SLC19A3: variants seen among roughly 807,000 people sequenced by gnomAD.
The protein encoded by SLC19A3 is thiamine transporter 2.
Under a neutral mutation model 40.2 loss-of-function variants are expected in SLC19A3, and 31 were observed. The ratio of observed to expected loss-of-function variants is 0.77; its 90% confidence interval spans 0.58 to 1.04. The LOEUF (loss-of-function observed/expected upper bound fraction) is 1.04. Ranked by LOEUF, SLC19A3 falls within the 50% of genes least tolerant of loss-of-function variation. The probability of loss-of-function intolerance (pLI) is 0.00; values close to 1 mark genes in which losing one functional copy is unlikely to be tolerated. For missense variants in SLC19A3, 592 were observed against 596.7 expected (o/e 0.99, Z 0.08); for synonymous variants, 212 against 227.5 (o/e 0.93, Z 0.61).
chr2:227,711,052 T>C (rs1485770581), intron 1 of SLC19A3, among the ~76,000 whole-genome samples: 1 of 152,158 alleles, frequency 6.6e-6, no homozygotes, highest in Non-Finnish European at 1.5e-5. Context: ...CAGGGCAAGA[T>C]GGTCCTGAAG....
At chr2:227,692,645 G>A (rs940596273) in intron 4 of SLC19A3, among the ~76,000 whole-genome samples, 1 of 152,172 alleles carries the variant, frequency 6.6e-6, no homozygotes, top group African/African-American at 2.4e-5. Flanking sequence ...TTTGGAACAC[G>A]ACAAGGATGC....
chr2:227,694,547 G>A (rs1262470920), intron 4 of SLC19A3, among the ~76,000 whole-genome samples: 1 of 152,070 alleles, frequency 6.6e-6, no homozygotes, highest in Non-Finnish European at 1.5e-5. Flanking sequence ...ACTTGATGAA[G>A]CTTTTGTCTC....
rs370701683 is a variant in SLC19A3 at position 227,705,998 on chromosome 2, T to C, written c.-2-3678A>G. The stretch of plus-strand genomic sequence containing the variant: ...AGGAGTTCGAGGCTGCAGTGAGCTG[T>C]AATCATGCTGCTGCACTCCACTCTG... On this transcript the variant is annotated intron_variant, in intron 1 of 5. Transcript: ENST00000644224. Among the ~76,000 whole-genome samples the C allele has an allele frequency of 9.2e-5, 14 of 151,790 alleles. No individual in the cohort carries two copies. In the East Asian group the frequency reaches 2.7e-3, roughly 30 times the overall value.
intron 4 of SLC19A3, among the ~76,000 whole-genome samples, chr2:227,689,237 A>G (rs1255645577): frequency 6.6e-6 from 1 of 152,188 alleles, no homozygotes; most frequent in Non-Finnish European, 1.5e-5. Context: ...TCCCAAACCT[A>G]AAGAGATCAA....
At chr2:227,697,626 A>C (rs1278227759) in intron 3 of SLC19A3, among the ~76,000 whole-genome samples, 1 of 152,230 alleles carries the variant, frequency 6.6e-6, no homozygotes, top group African/African-American at 2.4e-5. Context: ...ATTTTCTAAA[A>C]TAATGAAAAC....
chr2:227,705,032 C>A (rs1185879104), intron 1 of SLC19A3, among the ~76,000 whole-genome samples: 16 of 151,988 alleles, frequency 1.1e-4, no homozygotes, highest in Admixed American at 9.8e-4. Context: ...AGGCACCCAC[C>A]ATGCCTGGCT....
Position 227,699,516 on chromosome 2 carries a change from G to C in SLC19A3, c.199C>G (p.Leu67Val). The C allele has an allele frequency of 6.2e-7, 1 of 1,614,168 alleles. No individual in the cohort carries two copies. Among genetic ancestry groups the C allele is most frequent in the Non-Finnish European group, 8.5e-7 (1 of 1,180,038 alleles). The change falls in exon 3 of 6, where the codon CTG becomes GTG. Residue 67 changes from leucine (L) to valine (V), a missense_variant. Transcript: ENST00000644224. ...PVWTYSYLVL[L>V]LPVFVLTDYV... is the part of the protein sequence containing the mutation. ...TCGGTGAGGACAAACACAGGCAGCA[G>C]CAGCACCAGGTAGGAGTATGTCCAA...
In SLC19A3 at chr2:227,687,380, C is replaced by A. The variant is rs761295032; in HGVS notation, c.*17G>T. On this transcript the variant is annotated 3_prime_UTR_variant, in exon 6 of 6. Coordinates refer to ENST00000644224, the MANE Select transcript of SLC19A3 (RefSeq NM_025243.4). Reference sequence around the variant, plus strand: ...TGCATAACTTTGAAAGCCACTGTTGCGTTTGTTGCGATGAGGTTAGAGTTT... The same window carrying A: ...TGCATAACTTTGAAAGCCACTGTTGAGTTTGTTGCGATGAGGTTAGAGTTT... 1.3e-6 allele frequency: 2 copies of A among 1,591,004 alleles called. No individual in the cohort carries two copies. Among genetic ancestry groups the A allele is most frequent in the Non-Finnish European group, 8.6e-7 (1 of 1,165,948 alleles).
intron 2 of SLC19A3, chr2:227,701,053 A>C (rs372246327): frequency 7.7e-7 from 1 of 1,304,182 alleles, no homozygotes. Flanking sequence ...GGATTCATTG[A>C]GTTGCTTCTG....
At chr2:227,710,967 T>C (rs1356279033) in intron 1 of SLC19A3, among the ~76,000 whole-genome samples, 2 of 152,144 alleles carry the variant, frequency 1.3e-5, no homozygotes, top group Non-Finnish European at 2.9e-5. Flanking sequence ...TTAATCTGCT[T>C]ATTACTAAAA....
chr2:227,701,544 C>T (rs1695689069), intron 2 of SLC19A3: 1 of 156,894 alleles, frequency 6.4e-6, no homozygotes, highest in Non-Finnish European at 1.4e-5. Context: ...ATTGTTTGAA[C>T]CTGGGAGGCG....
chr2:227,702,759 A>T, intron 1 of SLC19A3: 1 of 188,058 alleles, frequency 5.3e-6, no homozygotes, highest in South Asian at 1.1e-4. Flanking sequence ...ACATCTTGCT[A>T]TCTCATGTGA....
rs1004232781 is a variant in SLC19A3, at chr2:227,703,958, C to G, written c.-2-1638G>C. 7.8e-6 allele frequency among the ~76,000 whole-genome samples: 1 copy of G among 127,808 alleles called. No homozygotes were observed. The highest frequency in any genetic ancestry group is 1.6e-5 in the Non-Finnish European group (1 of 60,942). 83.8% of individuals were successfully genotyped at this position (127,808 alleles called of 152,430 possible). A position where few individuals can be genotyped will look rare whatever the true frequency, so the allele number is the denominator to read the frequency against. On this transcript the variant is annotated intron_variant, in intron 1 of 5. Coordinates refer to ENST00000644224, the MANE Select transcript of SLC19A3 (RefSeq NM_025243.4). The surrounding 1 kb of genome is among the most constrained non-coding windows in gnomAD (Gnocchi z 4.7). ...AGGTTTCTAATACAGCTGTCCAAAT[C>G]GATTTAGTTGGGATGGTCAAGCAGA...
At position 227,687,457 on chromosome 2, in the gene SLC19A3, C is replaced by G; in HGVS notation, c.1431G>C (p.Glu477Asp). The G allele has an allele frequency of 3.1e-6, 5 of 1,614,078 alleles. No individual in the cohort carries two copies. The highest frequency in any genetic ancestry group is 4.2e-6 in the Non-Finnish European group (5 of 1,179,956). Residue 477 changes from glutamate (E) to aspartate (D), a missense_variant, in exon 6 of 6, where the codon GAG (glutamate) becomes GAC (aspartate). Transcript: ENST00000644224. Reference sequence around the variant, plus strand: ...CCTCTGGGTGAGACACATCTGGATTCTCACTTGGAGCAGGGCTCTGTACAT... The same window carrying G: ...CCTCTGGGTGAGACACATCTGGATTGTCACTTGGAGCAGGGCTCTGTACAT... Reference protein sequence around the residue: ...QKDVQSPAPSENPDVSHPEEE... With the variant: ...QKDVQSPAPSDNPDVSHPEEE...
intron 3 of SLC19A3, among the ~76,000 whole-genome samples, chr2:227,697,158 A>T (rs1040383178): frequency 6.6e-6 from 1 of 151,620 alleles, no homozygotes; most frequent in Non-Finnish European, 1.5e-5. Context: ...ACAGAGGAAA[A>T]AAAAAATAAC....
chr2:227,703,887 A>T lies in SLC19A3; in HGVS notation c.-2-1567T>A, dbSNP rs1695817855. The stretch of plus-strand genomic sequence containing the variant: ...ACCTAGGACTATGCCACAGTGATCC[A>T]CAGGCTGCTAAAAGCCTGCTGGATT... On this transcript the variant is annotated intron_variant, in intron 1 of 5. Transcript: ENST00000644224. This position sits in a 1 kb window ranked among gnomAD's most constrained non-coding sequence, Gnocchi z 4.7. Among the ~76,000 whole-genome samples the T allele has an allele frequency of 6.6e-6, 1 of 152,126 alleles. No homozygotes were observed. The highest frequency in any genetic ancestry group is 6.6e-5 in the Admixed American group (1 of 15,256).
At position 227,686,478 on chromosome 2, in the gene SLC19A3, C is replaced by T. The variant is rs758502895; in HGVS notation, c.*919G>A. 1 of 152,934 alleles carries T rather than the reference C, an allele frequency of 6.5e-6. No individual in the cohort carries two copies. The highest frequency in any genetic ancestry group is 1.5e-5 in the Non-Finnish European group (1 of 68,552). The allele number at this position is 152,934 out of a possible 1,614,324, so 9.5% of individuals were successfully genotyped here. Reference sequence around the variant, plus strand: ...AGACTACAGGCACACACCACGCTGCCCAGCTAATTTTTTAATTTTTTAGTA... The same window carrying T: ...AGACTACAGGCACACACCACGCTGCTCAGCTAATTTTTTAATTTTTTAGTA... On this transcript the variant is annotated 3_prime_UTR_variant, in exon 6 of 6. Coordinates refer to ENST00000644224, the MANE Select transcript of SLC19A3 (RefSeq NM_025243.4).
rs897351786 is a variant in SLC19A3, at chr2:227,684,353, C to T, written c.*3044G>A. The T allele has an allele frequency of 6.6e-6, 1 of 151,628 alleles. No individual in the cohort carries two copies. The highest frequency in any genetic ancestry group is 1.5e-5 in the Non-Finnish European group (1 of 67,914). 9.4% of individuals were successfully genotyped at this position (151,628 alleles called of 1,614,324 possible). On this transcript the variant is annotated 3_prime_UTR_variant, in exon 6 of 6. Transcript: ENST00000644224. ...CCACTTTGGGTCTCACTCTGTCGCT[C>T]AGGCTGGAGTGCAGTGGCACAATCT...
chr2:227,715,891 G>A (rs67266354), intron 1 of SLC19A3, among the ~76,000 whole-genome samples: 21,648 of 145,882 alleles, frequency 0.15, 2,074 homozygotes, highest in South Asian at 0.33. Flanking sequence ...TCAAGGCTGC[G>A]GTGAGCCGAG....
Sources: allele counts gnomAD v4.1 joint callset (sites outside exome capture counted in the v4.1 genomes callset), GRCh38; gene constraint gnomAD v4.1.1; non-coding constraint Gnocchi (gnomAD v3.1); transcripts MANE v1.5; gene names NCBI Gene and HGNC (gene_info 2026-07-23, HGNC 2026-07-21).